Variants in TTC14 observed in about 807,000 individuals in gnomAD.
TTC14 encodes the protein tetratricopeptide repeat protein 14.
Under a neutral mutation model 79.9 loss-of-function variants are expected in TTC14, and 63 were observed. That is an observed-to-expected ratio of 0.79 (90% CI 0.64 to 0.97). TTC14 has a LOEUF of 0.97. Among genes scored for constraint, TTC14 ranks in the 50% least tolerant of loss-of-function variants. TTC14 has a pLI of 0.00. For missense variants in TTC14, 895 were observed against 894.0 expected (o/e 1.00, Z -0.01); for synonymous variants, 335 against 309.6 (o/e 1.08, Z -0.86).
chr3:180,609,870 T>C lies in TTC14; in HGVS notation c.1641T>C (p.Phe547=). Residue 547 remains phenylalanine (F), a synonymous_variant, in exon 12 of 12, where the codon TTT becomes TTC. Coordinates refer to ENST00000296015, the MANE Select transcript of TTC14 (RefSeq NM_133462.4). The part of the protein sequence containing the change: ...YPVPANTSAS[F]LNHKQEVEKL... The stretch of plus-strand genomic sequence containing the variant: ...TTCCAGCTAATACTTCAGCATCTTT[T>C]CTTAACCATAAACAAGAAGTGGAGA... 1 of 1,613,778 alleles carries C rather than the reference T, an allele frequency of 6.2e-7. No individual in the cohort carries two copies. Among genetic ancestry groups the C allele is most frequent in the Non-Finnish European group, 8.5e-7 (1 of 1,179,866 alleles).
Position 180,603,309 on chromosome 3 carries a change from C to T in TTC14, c.472C>T (p.His158Tyr), listed in dbSNP as rs1716488421. The change falls in exon 3 of 12, where the codon CAC becomes TAC. Residue 158 changes from histidine (H) to tyrosine (Y), a missense_variant. By Grantham distance (83) the His-to-Tyr change is moderately conservative (BLOSUM62 2). Coordinates refer to ENST00000296015, the MANE Select transcript of TTC14 (RefSeq NM_133462.4). ...LGSGIMRDIA[H>Y]LEITALCPLR... ...AAGTGGTATCATGAGAGATATAGCC[C>T]ACTTAGAAATCACAGTAAGTTATTT... 1.9e-6 allele frequency: 3 copies of T among 1,613,822 alleles called. No homozygotes were observed. The highest frequency in any genetic ancestry group is 2.5e-6 in the Non-Finnish European group (3 of 1,179,822).
chr3:180,604,433 C>T, intron 4 of TTC14, 45 bp from the exon 5 acceptor site: 1 of 1,559,388 alleles, frequency 6.4e-7, no homozygotes, highest in Non-Finnish European at 8.7e-7. Context: ...TGTTAGTTTA[C>T]ATTTTCTTAC....
rs1716478264 is a variant in TTC14 at position 180,603,202 on chromosome 3, A to C, written c.365A>C (p.Asp122Ala). The change falls in exon 3 of 12, where the codon GAT (aspartate) becomes GCT (alanine). Residue 122 changes from aspartate to alanine, a missense_variant. Transcript: ENST00000296015. ...SMDRRELFFRDIERGDIVIGR... is the reference protein window; with the variant it reads ...SMDRRELFFRAIERGDIVIGR... Reference sequence around the variant, plus strand: ...GATCGGAGAGAGCTGTTTTTCCGAGATATTGAGCGTGGTGATATAGTGATT... The same window carrying C: ...GATCGGAGAGAGCTGTTTTTCCGAGCTATTGAGCGTGGTGATATAGTGATT... 1 of 1,613,834 alleles carries C rather than the reference A, an allele frequency of 6.2e-7. No homozygotes were observed. The highest frequency in any genetic ancestry group is 1.1e-5 in the South Asian group (1 of 91,088).
In TTC14 at chr3:180,611,032, T is replaced by A; in HGVS notation, c.*490T>A. The A allele has an allele frequency of 1.1e-6, 1 of 943,856 alleles. No homozygotes were observed. The highest frequency in any genetic ancestry group is 1.3e-6 in the Non-Finnish European group (1 of 792,072). 58.5% of individuals were successfully genotyped at this position (943,856 alleles called of 1,614,324 possible). A position where few individuals can be genotyped will look rare whatever the true frequency, so the allele number is the denominator to read the frequency against. On this transcript the variant is annotated 3_prime_UTR_variant, in exon 12 of 12. Coordinates refer to ENST00000296015, the MANE Select transcript of TTC14 (RefSeq NM_133462.4). ...TATATTTATCAGTTTAAATATTACA[T>A]TTTTTGCCCAATTTTTTTTAAAATT...
chr3:180,612,503 C>T (rs1044999469), downstream of TTC14, among the ~76,000 whole-genome samples: 3 of 152,170 alleles, frequency 2.0e-5, no homozygotes, highest in Non-Finnish European at 4.4e-5. Flanking sequence ...TACAGTCACT[C>T]ATGCCTGTAA....
At position 180,610,876 on chromosome 3, in the gene TTC14, G is replaced by C. The variant is rs1294577589; in HGVS notation, c.*334G>C. On this transcript the variant is annotated 3_prime_UTR_variant, in exon 12 of 12. Coordinates refer to ENST00000296015, the MANE Select transcript of TTC14 (RefSeq NM_133462.4). ...ATTCCTGGGTGCATCTTATTCTGCT[G>C]TTTGAGAGAAAAATTTGTGCATTGA... 2 of 988,800 alleles carry C rather than the reference G, an allele frequency of 2.0e-6. No homozygotes were observed. The highest frequency in any genetic ancestry group is 2.4e-6 in the Non-Finnish European group (2 of 832,322). The allele number at this position is 988,800 out of a possible 1,614,324, so 61.3% of individuals were successfully genotyped here.
rs931262897 is a variant in TTC14 at position 180,608,828 on chromosome 3, G to A, written c.1400+18G>A. 6 of 1,459,692 alleles carry A rather than the reference G, an allele frequency of 4.1e-6. No individual in the cohort carries two copies. Among genetic ancestry groups the A allele is most frequent in the Non-Finnish European group, 5.4e-6 (6 of 1,107,920 alleles). The allele number at this position is 1,459,692 out of a possible 1,614,324, so 90.4% of individuals were successfully genotyped here. On this transcript the variant is annotated intron_variant, in intron 11 of 11. Transcript: ENST00000296015. ...GAGAAGAGGTAAACTATAATATTCA[G>A]TATTTTTAAACTTAAGGCAACTACT...
At chr3:180,606,062 C>T in intron 7 of TTC14, 191 bp from the exon 8 acceptor site, 1 of 855,152 alleles carries the variant, frequency 1.2e-6, no homozygotes, top group East Asian at 2.7e-5. Context: ...ATATTGATAT[C>T]TAGGTTTCAC....
At position 180,605,819 on chromosome 3, in the gene TTC14, C is replaced by T. The variant is rs1576920132; in HGVS notation, c.911C>T (p.Ala304Val). Residue 304 changes from alanine (A) to valine (V), a missense_variant, in exon 7 of 12, where the codon GCA becomes GTA. By Grantham distance (64) the Ala-to-Val change is moderately conservative. Coordinates refer to ENST00000296015, the MANE Select transcript of TTC14 (RefSeq NM_133462.4). ...FASALRKKQS[A>V]SWALKCVKIG... ...TCTGCATTGAGAAAAAAACAATCCGCATCTTGGGCTTTAAAATGGTATGAA... is the reference window on the plus strand; with the variant it reads ...TCTGCATTGAGAAAAAAACAATCCGTATCTTGGGCTTTAAAATGGTATGAA... The T allele has an allele frequency of 6.4e-7, 1 of 1,573,650 alleles. No homozygotes were observed. The highest frequency in any genetic ancestry group is 1.4e-5 in the African/African-American group (1 of 71,380).
At position 180,602,326 on chromosome 3, in the gene TTC14, G is replaced by A. The variant is rs1258407358; in HGVS notation, c.65G>A (p.Arg22Gln). Residue 22 changes from arginine (R) to glutamine (Q), a missense_variant, in exon 1 of 12, where the codon CGG becomes CAG. Physicochemically the swap from Arg to Gln is conservative, Grantham distance 43. Coordinates refer to ENST00000296015, the MANE Select transcript of TTC14 (RefSeq NM_133462.4). Reference protein sequence around the residue: ...CHGSSLLSLLRSEQQDNPHFR... With the variant: ...CHGSSLLSLLQSEQQDNPHFR... ...GGGTCGTCTTTGCTCTCTCTACTTCGGAGCGAACAGCAGGACAATCCACAC... is the reference window on the plus strand; with the variant it reads ...GGGTCGTCTTTGCTCTCTCTACTTCAGAGCGAACAGCAGGACAATCCACAC... The A allele has an allele frequency of 1.2e-6, 2 of 1,613,640 alleles. No individual in the cohort carries two copies. The highest frequency in any genetic ancestry group is 1.7e-6 in the Non-Finnish European group (2 of 1,180,000).
intron 11 of TTC14, chr3:180,609,395 A>C (rs1716864256): frequency 8.3e-6 from 10 of 1,199,118 alleles, no homozygotes; most frequent in African/African-American, 1.6e-5. Context: ...GTGTTGAAAA[A>C]AGTCTGTCTT....
downstream of TTC14, among the ~76,000 whole-genome samples, chr3:180,612,417 C>A (rs1213020991): frequency 6.6e-6 from 1 of 152,148 alleles, no homozygotes; most frequent in Non-Finnish European, 1.5e-5. Flanking sequence ...TCCCTTACCC[C>A]CCTGCCAACC....
intron 7 of TTC14, 68 bp downstream of exon 7, chr3:180,605,905 T>C (rs980130286): frequency 1.8e-5 from 26 of 1,464,640 alleles, no homozygotes; most frequent in Middle Eastern, 3.6e-4. Context: ...GCAAGCATGC[T>C]TATATCATCA....
rs1392237646 is a variant in TTC14 at position 180,604,502 on chromosome 3, A to G, written c.596A>G (p.Tyr199Cys). 6.2e-7 allele frequency: 1 copy of G among 1,602,966 alleles called. No homozygotes were observed. The highest frequency in any genetic ancestry group is 8.5e-7 in the Non-Finnish European group (1 of 1,176,930). The change falls in exon 5 of 12, where the codon TAC (tyrosine) becomes TGC (cysteine). Residue 199 changes from tyrosine to cysteine, a missense_variant. Coordinates refer to ENST00000296015, the MANE Select transcript of TTC14 (RefSeq NM_133462.4). The part of the protein sequence containing the change: ...IRAGIKDIDR[Y>C]HEKLAVSLYS... ...GCTGGAATCAAGGATATTGACAGAT[A>G]CCATGAAAAGCTAGCAGTATCTCTG... is the stretch of plus-strand genomic sequence containing the variant.
At chr3:180,614,195 G>A (rs984125757), downstream of TTC14, 12 of 158,874 alleles carry the variant, frequency 7.6e-5, no homozygotes, top group Admixed American at 1.9e-4. Flanking sequence ...TCATTAAATC[G>A]TTTATTAAAT....
intron 11 of TTC14, chr3:180,609,264 T>G: frequency 1.2e-5 from 3 of 254,814 alleles, no homozygotes; most frequent in Non-Finnish European, 1.9e-5. Context: ...CCCCACCCCC[T>G]ACCAAGAATT....
intron 12 of TTC14, chr3:180,616,935 T>C (rs1717269558): frequency 6.8e-7 from 1 of 1,479,364 alleles, no homozygotes; most frequent in Non-Finnish European, 9.3e-7. Flanking sequence ...ATTTGCCAAA[T>C]GTTCTATAAC....
At chr3:180,612,158 G>A (rs767317471), downstream of TTC14, among the ~76,000 whole-genome samples, 3 of 152,106 alleles carry the variant, frequency 2.0e-5, no homozygotes, top group Non-Finnish European at 2.9e-5. Flanking sequence ...TTACAAAGTC[G>A]TGTTTATAAA....
intron 1 of TTC14, 164 bp from the exon 2 acceptor site, chr3:180,602,727 G>A (rs555340882): frequency 9.6e-6 from 8 of 836,222 alleles, no homozygotes; most frequent in Non-Finnish European, 1.4e-5. Flanking sequence ...TCCACCTCCA[G>A]GTTGGTTAAT....
Sources: allele counts gnomAD v4.1 joint callset (sites outside exome capture counted in the v4.1 genomes callset), GRCh38; gene constraint gnomAD v4.1.1; transcripts MANE v1.5; gene names NCBI Gene and HGNC (gene_info 2026-07-23, HGNC 2026-07-21).